SLC4A5: variants seen among roughly 807,000 people sequenced by gnomAD.
SLC4A5 encodes solute carrier family 4 member 5.
Under a neutral mutation model 120.4 loss-of-function variants are expected in SLC4A5, and 96 were observed. The ratio of observed to expected loss-of-function variants is 0.80; its 90% CI spans 0.68 to 0.94. The LOEUF (loss-of-function observed/expected upper bound fraction) is 0.94. SLC4A5 is among the 40% of genes least tolerant of loss of function. The pLI is 0.00. For synonymous variants in SLC4A5, 550 were observed against 571.1 expected, an observed-to-expected ratio of 0.96 and a Z score of 0.53; for missense variants, 1,259 against 1,459.5, an observed-to-expected ratio of 0.86 and a Z score of 2.24.
At chr2:74,243,842 C>A (rs780933532) in intron 19 of SLC4A5, among the ~76,000 whole-genome samples, 10 of 152,140 alleles carry the variant, frequency 6.6e-5, no homozygotes, top group Non-Finnish European at 1.3e-4. Context: ...TTTTAAAATT[C>A]CAGTGTTTAC....
At chr2:74,238,638 G>A (rs537813377) in intron 21 of SLC4A5, among the ~76,000 whole-genome samples, 2 of 152,206 alleles carry the variant, frequency 1.3e-5, no homozygotes, top group East Asian at 1.9e-4. Context: ...AAAAAATACT[G>A]GAACAATTGA....
intron 7 of SLC4A5, chr2:74,290,344 G>C (rs904834731): frequency 2.0e-6 from 2 of 985,348 alleles, no homozygotes; most frequent in Non-Finnish European, 2.4e-6. Flanking sequence ...TACTTCCACA[G>C]GTCCTCTTCT....
At chr2:74,336,946 T>C (rs534749855) in intron 3 of SLC4A5, among the ~76,000 whole-genome samples, 12 of 152,250 alleles carry the variant, frequency 7.9e-5, no homozygotes, top group Admixed American at 2.6e-4. Flanking sequence ...CCTCTTTCCT[T>C]AGGGGAATAG....
Position 74,297,579 on chromosome 2 carries a change from G to C in SLC4A5, c.271+6910C>G, listed in dbSNP as rs973049901. ...ATTAGCAGCCTAGAAAAGTGGAAGT[G>C]CAACCACATTTCTAAAGCTGCTTCT... is the stretch of plus-strand genomic sequence containing the variant. On this transcript the variant is annotated intron_variant, in intron 7 of 30. Transcript: ENST00000394019. 2.6e-5 allele frequency among the ~76,000 whole-genome samples: 4 copies of C among 152,320 alleles called. No individual in the cohort carries two copies. In the East Asian group the frequency reaches 7.7e-4, roughly 29 times the overall value.
chr2:74,226,608 G>C (rs1213690989), intron 27 of SLC4A5, among the ~76,000 whole-genome samples: 3 of 152,026 alleles, frequency 2.0e-5, no homozygotes, highest in Non-Finnish European at 4.4e-5. Context: ...TATTTAGTAC[G>C]CATCGACTTC....
chr2:74,222,377 C>T (rs1694681724), intron 29 of SLC4A5, among the ~76,000 whole-genome samples: 1 of 152,156 alleles, frequency 6.6e-6, no homozygotes, highest in African/African-American at 2.4e-5. Context: ...CTGGGGTTTC[C>T]ATCTGGTTGG....
intron 5 of SLC4A5, among the ~76,000 whole-genome samples, chr2:74,323,683 C>T (rs1305412398): frequency 5.3e-5 from 8 of 152,010 alleles, no homozygotes; most frequent in Non-Finnish European, 7.4e-5. Context: ...ATGAGAAATA[C>T]CAGGGAAAAA....
At position 74,252,434 on chromosome 2, in the gene SLC4A5, C is replaced by T. The variant is rs748546138; in HGVS notation, c.1269-46G>A. The T allele has an allele frequency of 3.2e-6, 5 of 1,573,764 alleles. No homozygotes were observed. In the African/African-American group the frequency reaches 6.8e-5, roughly 21 times the overall value. Reference sequence around the variant, plus strand: ...AGGAGAGTGGGTCCCCCAGAGCACCCCTCACCTCTCCAACCAAAATTATGA... The same window carrying T: ...AGGAGAGTGGGTCCCCCAGAGCACCTCTCACCTCTCCAACCAAAATTATGA... On this transcript the variant is annotated intron_variant, in intron 15 of 30. Coordinates refer to ENST00000394019, the Ensembl canonical transcript of SLC4A5.
At chr2:74,305,761 G>A (rs1165909726) in intron 6 of SLC4A5, among the ~76,000 whole-genome samples, 1 of 109,606 alleles carries the variant, frequency 9.1e-6, no homozygotes, top group African/African-American at 3.8e-5. Flanking sequence ...GTCTTGCCCT[G>A]TCGCCCAGGC....
chr2:74,222,410 T>A (rs546309232), intron 29 of SLC4A5, among the ~76,000 whole-genome samples: 1 of 152,256 alleles, frequency 6.6e-6, no homozygotes, highest in South Asian at 2.1e-4. Flanking sequence ...GGTGGCCCAG[T>A]TCTCTTTGAT....
At chr2:74,250,543 C>T in intron 16 of SLC4A5, 26 bp from the exon 17 acceptor site, 1 of 1,613,280 alleles carries the variant, frequency 6.2e-7, no homozygotes, top group Non-Finnish European at 8.5e-7. Flanking sequence ...CCAGGGGCTG[C>T]TTTCTCACCA....
intron 7 of SLC4A5, among the ~76,000 whole-genome samples, chr2:74,288,976 C>G (rs1442714813): frequency 6.6e-6 from 1 of 152,166 alleles, no homozygotes; most frequent in Non-Finnish European, 1.5e-5. Flanking sequence ...CTTTCATTTG[C>G]TTCATAAACA....
intron 2 of SLC4A5, among the ~76,000 whole-genome samples, chr2:74,341,047 G>T (rs1478470013): frequency 6.6e-6 from 1 of 152,198 alleles, no homozygotes; most frequent in East Asian, 1.9e-4. Flanking sequence ...GCTCACGCCT[G>T]TAATCTCAAC....
chr2:74,219,151 A>G (rs1026581647), intron 30 of SLC4A5, among the ~76,000 whole-genome samples: 4 of 147,628 alleles, frequency 2.7e-5, no homozygotes, highest in African/African-American at 1.0e-4. Context: ...TGCCCCATCC[A>G]TTGCAGTGTT....
chr2:74,249,544 G>A (rs760384833), intron 17 of SLC4A5, among the ~76,000 whole-genome samples: 23 of 152,218 alleles, frequency 1.5e-4, no homozygotes, highest in Admixed American at 7.2e-4. Context: ...AGCCAGGTAG[G>A]GCCATGTGGT....
intron 3 of SLC4A5, among the ~76,000 whole-genome samples, chr2:74,336,368 T>C (rs1037009219): frequency 1.3e-5 from 2 of 152,168 alleles, no homozygotes; most frequent in East Asian, 3.8e-4. Context: ...CACGCCTGGC[T>C]GAGGTCATTA....
chr2:74,270,329 G>T (rs1049991616), intron 8 of SLC4A5, among the ~76,000 whole-genome samples: 2 of 152,216 alleles, frequency 1.3e-5, no homozygotes, highest in Admixed American at 1.3e-4. Context: ...CATAGCAATG[G>T]TTTTCAACCT....
chr2:74,310,913 T>C (rs916006748), intron 6 of SLC4A5, among the ~76,000 whole-genome samples: 23 of 152,038 alleles, frequency 1.5e-4, no homozygotes, highest in Middle Eastern at 3.4e-3. Flanking sequence ...AATTCACTAG[T>C]GAAATCATGA....
chr2:74,342,077 G>A (rs1281987344), intron 2 of SLC4A5, among the ~76,000 whole-genome samples: 1 of 152,178 alleles, frequency 6.6e-6, no homozygotes, highest in East Asian at 1.9e-4. Context: ...CTTAAGATAG[G>A]GAAGTAGATC....
Sources: gnomAD v4.1 joint callset for allele counts (sites outside exome capture counted in the v4.1 genomes callset) on GRCh38, gnomAD v4.1.1 for gene constraint, MANE v1.5 for transcripts, NCBI Gene and HGNC (gene_info 2026-07-23, HGNC 2026-07-21) for gene names.